Variants in GMEB1 observed in about 807,000 individuals in gnomAD.
GMEB1 encodes glucocorticoid modulatory element-binding protein 1.
In GMEB1, 6 loss-of-function variants were observed where a neutral mutation model predicts 52.4. That is an observed-to-expected ratio of 0.11 (90% CI 0.06 to 0.23). The LOEUF (loss-of-function observed/expected upper bound fraction) is 0.23, where lower values mean the gene tolerates loss of function less well. GMEB1 is among the 10% of genes least tolerant of loss of function. GMEB1 has a pLI of 1.00. For missense variants in GMEB1, 486 were observed against 685.6 expected (o/e 0.71, Z 3.25); for synonymous variants, 255 against 244.9 (o/e 1.04, Z -0.38).
At chr1:28,705,915 G>A (rs972775684) in intron 8 of GMEB1, among the ~76,000 whole-genome samples, 1 of 151,338 alleles carries the variant, frequency 6.6e-6, no homozygotes, top group African/African-American at 2.4e-5. Flanking sequence ...AGCACTTTGG[G>A]AGGCCAAGGC....
rs1225048222 is a variant in GMEB1, at chr1:28,710,657, T to C, written c.991+15T>C. 4.6e-6 allele frequency: 7 copies of C among 1,518,688 alleles called. No homozygotes were observed. The East Asian group carries it at 9.6e-5, about 21-fold the overall frequency. The allele number at this position is 1,518,688 out of a possible 1,614,324, so 94.1% of individuals were successfully genotyped here. A position where few individuals can be genotyped will look rare whatever the true frequency, so the allele number is the denominator to read the frequency against. ...TACTCTGACAGGTATGTATAAGTTATCGCTCTTCTTCGGTGATATCATGCT... is the reference window on the plus strand; with the variant it reads ...TACTCTGACAGGTATGTATAAGTTACCGCTCTTCTTCGGTGATATCATGCT... On this transcript the variant is annotated intron_variant, in intron 9 of 9. Transcript: ENST00000373816.
At position 28,714,873 on chromosome 1, in the gene GMEB1, T is replaced by TAAA; in HGVS notation, c.*111_*113dup. 3.2e-5 allele frequency: 19 copies of TAAA among 595,212 alleles called. No individual in the cohort carries two copies. The highest frequency in any genetic ancestry group is 4.6e-5 in the Non-Finnish European group (17 of 373,572). The allele number at this position is 595,212 out of a possible 1,614,324, so 36.9% of individuals were successfully genotyped here. On this transcript the variant is annotated 3_prime_UTR_variant, in exon 10 of 10. Coordinates refer to ENST00000373816, the MANE Select transcript of GMEB1 (RefSeq NM_001319674.2). ...CTCATTTCCACATAGGACCCTTTTTTAAAAAAAAAAAAACAAAATCTTATT... is the reference window on the plus strand; with the variant it reads ...CTCATTTCCACATAGGACCCTTTTTTAAAAAAAAAAAAAAAACAAAATCTTATT...
intron 2 of GMEB1, among the ~76,000 whole-genome samples, chr1:28,687,375 C>CAAAAAAAAAAAAAA (rs1442461404): frequency 5.2e-5 from 1 of 19,192 alleles, no homozygotes; most frequent in African/African-American, 2.2e-4. Context: ...CACACACACA[C>CAAAAAAAAAAAAAA]ACACACACAC....
chr1:28,669,867 G>A (rs1668802430), intron 1 of GMEB1, among the ~76,000 whole-genome samples: 1 of 152,166 alleles, frequency 6.6e-6, no homozygotes, highest in Non-Finnish European at 1.5e-5. Context: ...CAGGAGAGAT[G>A]AAGGCAAAAT....
intron 7 of GMEB1, among the ~76,000 whole-genome samples, chr1:28,703,515 G>C (rs781125736): frequency 2.6e-5 from 4 of 151,970 alleles, no homozygotes; most frequent in Non-Finnish European, 1.5e-5. Context: ...TACAAAATTA[G>C]CCTGGTGTGC....
chr1:28,682,121 C>T (rs759528469), intron 1 of GMEB1, among the ~76,000 whole-genome samples: 1 of 152,150 alleles, frequency 6.6e-6, no homozygotes, highest in Non-Finnish European at 1.5e-5. Flanking sequence ...CTTACCTATA[C>T]TCTCTTAAGT....
chr1:28,694,961 CTTTTTTTTT>C (rs556692778), intron 5 of GMEB1, among the ~76,000 whole-genome samples: 1 of 105,492 alleles, frequency 9.5e-6, no homozygotes, highest in African/African-American at 3.9e-5. Context: ...CGTGGCCAGC[CTTTTTTTTT>C]TTTTTTTTTT....
At position 28,694,172 on chromosome 1, in the gene GMEB1, T is replaced by A. The variant is rs1049415621; in HGVS notation, c.440+1127T>A. Among the ~76,000 whole-genome samples the A allele has an allele frequency of 2.6e-5, 4 of 151,712 alleles. No individual in the cohort carries two copies. In the South Asian group the frequency reaches 8.3e-4, roughly 32 times the overall value. ...AAGAAAATATGCTAAAATGTTGACA[T>A]GGTCTGTGTGTTGTAGGATTTTTTT... On this transcript the variant is annotated intron_variant, in intron 5 of 9. Transcript: ENST00000373816.
chr1:28,669,236 G>C (rs1262185077), intron 1 of GMEB1, among the ~76,000 whole-genome samples: 1 of 151,872 alleles, frequency 6.6e-6, no homozygotes, highest in East Asian at 2.0e-4. Context: ...GAGTGACTCC[G>C]GACTGAGAGG....
At chr1:28,691,560 T>C (rs745543228) in intron 3 of GMEB1, 25 bp from the exon 4 acceptor site, 3 of 1,487,412 alleles carry the variant, frequency 2.0e-6, no homozygotes, top group Non-Finnish European at 2.7e-6. Context: ...GTTTGATAAA[T>C]AACTGATATT....
intron 4 of GMEB1, among the ~76,000 whole-genome samples, chr1:28,692,609 A>G (rs983133722): frequency 6.6e-6 from 1 of 152,076 alleles, no homozygotes; most frequent in Non-Finnish European, 1.5e-5. Flanking sequence ...TTCTGTCTTC[A>G]TTAGGGCTGG....
At position 28,698,908 on chromosome 1, in the gene GMEB1, C is replaced by A. The variant is rs12043089; in HGVS notation, c.598+1824C>A. On this transcript the variant is annotated intron_variant, in intron 6 of 9. Coordinates refer to ENST00000373816, the MANE Select transcript of GMEB1 (RefSeq NM_001319674.2). Reference sequence around the variant, plus strand: ...CTGAGGCAGGAGAATTGCTTGAACCCAGGAGGTGGAGTTTGCAGTGAGCCG... The same window carrying A: ...CTGAGGCAGGAGAATTGCTTGAACCAAGGAGGTGGAGTTTGCAGTGAGCCG... 1.6e-3 allele frequency among the ~76,000 whole-genome samples: 246 copies of A among 152,096 alleles called. 7 individuals are homozygous for A. In the East Asian group the frequency reaches 0.046, roughly 29 times the overall value.
At chr1:28,678,271 G>A (rs1669243722) in intron 1 of GMEB1, among the ~76,000 whole-genome samples, 2 of 152,050 alleles carry the variant, frequency 1.3e-5, no homozygotes, top group Non-Finnish European at 2.9e-5. Context: ...AGCCAAGAGA[G>A]GAGACCCTTG....
intron 1 of GMEB1, among the ~76,000 whole-genome samples, chr1:28,682,601 C>CA (rs1557500064): frequency 7.7e-6 from 1 of 129,658 alleles, no homozygotes; most frequent in Non-Finnish European, 1.6e-5. Context: ...GTCTGGGCGA[C>CA]AGAGTGAGAC....
At chr1:28,692,206 T>C (rs1439496481) in intron 4 of GMEB1, among the ~76,000 whole-genome samples, 2 of 151,278 alleles carry the variant, frequency 1.3e-5, no homozygotes, top group Non-Finnish European at 2.9e-5. Flanking sequence ...GGTTTTGCTA[T>C]GTTGCCTAGG....
chr1:28,693,602 G>C (rs12040613), intron 5 of GMEB1, among the ~76,000 whole-genome samples: 58,615 of 150,272 alleles, frequency 0.39, 12,653 homozygotes, highest in East Asian at 0.76. Flanking sequence ...CTGCAACCTC[G>C]GCCTCCCGGG....
At chr1:28,675,631 G>C (rs1669116239) in intron 1 of GMEB1, among the ~76,000 whole-genome samples, 2 of 145,836 alleles carry the variant, frequency 1.4e-5, no homozygotes, top group Non-Finnish European at 3.0e-5. Flanking sequence ...AGTGAGCGGA[G>C]ATCCCGCCAC....
chr1:28,705,306 A>G (rs1670697697), intron 8 of GMEB1, among the ~76,000 whole-genome samples: 1 of 151,570 alleles, frequency 6.6e-6, no homozygotes, highest in Admixed American at 6.6e-5. Context: ...TGGCACGAGA[A>G]TTGCTGAACC....
intron 2 of GMEB1, among the ~76,000 whole-genome samples, chr1:28,687,198 G>A (rs1408799527): frequency 6.6e-6 from 1 of 151,468 alleles, no homozygotes; most frequent in Non-Finnish European, 1.5e-5. Context: ...TTAGCCAGAT[G>A]TGGTGGCATA....
Sources: allele counts gnomAD v4.1 joint callset (sites outside exome capture counted in the v4.1 genomes callset), GRCh38; gene constraint gnomAD v4.1.1; transcripts MANE v1.5; gene names NCBI Gene and HGNC (gene_info 2026-07-23, HGNC 2026-07-21).